MINDY4: variants seen among roughly 807,000 people sequenced by gnomAD.
MINDY4 encodes MINDY lysine 48 deubiquitinase 4.
MINDY4 carries 68 observed loss-of-function variants against 87.0 expected under a neutral mutation model. The ratio of observed to expected loss-of-function variants is 0.78; its 90% CI spans 0.64 to 0.96. The LOEUF (loss-of-function observed/expected upper bound fraction) is 0.96. Among genes scored for constraint, MINDY4 ranks in the 40% least tolerant of loss-of-function variants. The pLI, the probability that MINDY4 is intolerant of heterozygous loss-of-function variation, is 0.00. For synonymous variants in MINDY4, 379 were observed against 363.2 expected, an observed-to-expected ratio of 1.04 and a Z score of -0.50; for missense variants, 919 against 928.2, an observed-to-expected ratio of 0.99 and a Z score of 0.13.
Position 30,839,196 on chromosome 7 carries a change from A to G in MINDY4, c.1240-4A>G. On this transcript the variant is annotated splice_polypyrimidine_tract_variant and splice_region_variant and intron_variant, in intron 7 of 17. Transcript: ENST00000265299. The stretch of plus-strand genomic sequence containing the variant: ...ACCAGTAAAACTCTCTCTTCTTTTT[A>G]TAGGAAATAAAGACCCTTCTGTTTG... 1.3e-6 allele frequency: 2 copies of G among 1,582,394 alleles called. No individual in the cohort carries two copies. Among genetic ancestry groups the G allele is most frequent in the African/African-American group, 1.4e-5 (1 of 73,572 alleles).
At chr7:30,791,828 G>A (rs1428742243) in intron 5 of MINDY4, among the ~76,000 whole-genome samples, 1 of 152,124 alleles carries the variant, frequency 6.6e-6, no homozygotes, top group East Asian at 1.9e-4. Context: ...GGGCCACATT[G>A]GAAGAACAAT....
chr7:30,827,766 C>T (rs758448446), intron 5 of MINDY4, among the ~76,000 whole-genome samples: 1 of 152,166 alleles, frequency 6.6e-6, no homozygotes, highest in Non-Finnish European at 1.5e-5. Context: ...CTTCCATTCA[C>T]GCCCCTTCAT....
chr7:30,822,268 C>T (rs923382956), intron 5 of MINDY4, among the ~76,000 whole-genome samples: 1 of 151,794 alleles, frequency 6.6e-6, no homozygotes, highest in Admixed American at 6.6e-5. Context: ...ACCTCCGTTT[C>T]CCAGATTCAA....
intron 10 of MINDY4, among the ~76,000 whole-genome samples, chr7:30,851,341 T>C (rs140028122): frequency 1.7e-4 from 26 of 152,366 alleles, no homozygotes; most frequent in African/African-American, 5.8e-4. Context: ...TCGCTCTGTT[T>C]ACTCATCTGG....
intron 5 of MINDY4, among the ~76,000 whole-genome samples, chr7:30,793,670 C>T (rs926262262): frequency 6.6e-6 from 1 of 152,152 alleles, no homozygotes; most frequent in Admixed American, 6.5e-5. Context: ...AGCCTCCCAT[C>T]GTGGGCCCAG....
intron 5 of MINDY4, among the ~76,000 whole-genome samples, chr7:30,809,393 A>C (rs1340947293): frequency 6.6e-6 from 1 of 151,794 alleles, no homozygotes; most frequent in Non-Finnish European, 1.5e-5. Context: ...AAAAAAAAAA[A>C]AAAGGATGAT....
At chr7:30,846,555 G>A (rs1789224589) in intron 9 of MINDY4, among the ~76,000 whole-genome samples, 2 of 152,316 alleles carry the variant, frequency 1.3e-5, no homozygotes, top group South Asian at 4.2e-4. Flanking sequence ...TGTCACCTGG[G>A]TTCTGCCAGT....
intron 15 of MINDY4, among the ~76,000 whole-genome samples, chr7:30,879,106 CTA>C (rs1790378528): frequency 6.6e-6 from 1 of 152,232 alleles, no homozygotes; most frequent in South Asian, 2.1e-4. Context: ...GTGAGCTGAA[CTA>C]TGTCTCCCCA....
intron 13 of MINDY4, among the ~76,000 whole-genome samples, chr7:30,863,361 G>T (rs993580395): frequency 6.6e-6 from 1 of 152,234 alleles, no homozygotes; most frequent in African/African-American, 2.4e-5. Context: ...TGGTGTGATA[G>T]TGTGTGTGCG....
chr7:30,851,072 C>G (rs1459730220), intron 10 of MINDY4, among the ~76,000 whole-genome samples: 1 of 152,230 alleles, frequency 6.6e-6, no homozygotes, highest in African/African-American at 2.4e-5. Flanking sequence ...CGCATCGTCT[C>G]TTCACCGCTG....
intron 17 of MINDY4, among the ~76,000 whole-genome samples, chr7:30,883,661 G>A (rs1790541536): frequency 6.6e-6 from 1 of 152,204 alleles, no homozygotes; most frequent in Admixed American, 6.5e-5. Flanking sequence ...TGGTGGTGCG[G>A]TAGCTGTCAG....
chr7:30,855,690 A>G (rs1043098786), intron 12 of MINDY4, among the ~76,000 whole-genome samples: 3 of 152,206 alleles, frequency 2.0e-5, no homozygotes, highest in African/African-American at 7.2e-5. Flanking sequence ...CAGGGCTTTG[A>G]TGAAGCCTAA....
rs77336953 is a variant in MINDY4, at chr7:30,865,788, T to C, written c.1746-6455T>C. 7.3e-3 allele frequency among the ~76,000 whole-genome samples: 1,116 copies of C among 152,284 alleles called. 14 individuals carry two copies. Among genetic ancestry groups the C allele is most frequent in the African/African-American group, 0.025 (1,058 of 41,550 alleles). Reference sequence around the variant, plus strand: ...GGAACTTTGAGAAGTGAGGGGTCAGTTAATGGCACAGTTGGCAGCATCACC... The same window carrying C: ...GGAACTTTGAGAAGTGAGGGGTCAGCTAATGGCACAGTTGGCAGCATCACC... On this transcript the variant is annotated intron_variant, in intron 13 of 17. Transcript: ENST00000265299.
chr7:30,791,574 G>A lies in MINDY4; in HGVS notation c.1073G>A (p.Arg358Lys), dbSNP rs571250988. 6.2e-7 allele frequency: 1 copy of A among 1,607,900 alleles called. No homozygotes were observed. The highest frequency in any genetic ancestry group is 1.1e-5 in the South Asian group (1 of 89,706). ...CAGGGCAGCCAGCCCGCACCTGTCA[G>A]GTGAGTGTGCTATGCAAAGGTGACG... ...KRQGSQPAPVRKNQLLPSDKV... is the reference protein window; with the variant it reads ...KRQGSQPAPVKKNQLLPSDKV... The change falls in exon 5 of 18, where the codon AGG becomes AAG. Residue 358 changes from arginine to lysine, a missense_variant and splice_region_variant. Transcript: ENST00000265299.
At position 30,882,177 on chromosome 7, in the gene MINDY4, C is replaced by T. The variant is rs182151301; in HGVS notation, c.1972-4C>T. The T allele has an allele frequency of 1.9e-6, 3 of 1,602,298 alleles. No homozygotes were observed. The Admixed American group carries it at 5.1e-5, about 27-fold the overall frequency. On this transcript the variant is annotated splice_polypyrimidine_tract_variant and splice_region_variant and intron_variant, in intron 15 of 17. Coordinates refer to ENST00000265299, the MANE Select transcript of MINDY4 (RefSeq NM_032222.3). The stretch of plus-strand genomic sequence containing the variant: ...ATTTCACATCAGGCCTCTCCCTCAT[C>T]CAGGTTGGCTGCTTCCTGAAGACCC...
At position 30,850,438 on chromosome 7, in the gene MINDY4, C is replaced by G; in HGVS notation, c.1446-16C>G. ...TGTCCACATGGGCATAAATGCCTTC[C>G]TTTTCTTGTCCGCAGGGGACTGCAG... On this transcript the variant is annotated splice_polypyrimidine_tract_variant and intron_variant, in intron 9 of 17. Transcript: ENST00000265299. The G allele has an allele frequency of 6.2e-7, 1 of 1,605,298 alleles. No individual in the cohort carries two copies. Among genetic ancestry groups the G allele is most frequent in the Non-Finnish European group, 8.5e-7 (1 of 1,175,740 alleles).
At chr7:30,800,846 G>A (rs540685193) in intron 5 of MINDY4, among the ~76,000 whole-genome samples, 1 of 152,338 alleles carries the variant, frequency 6.6e-6, no homozygotes, top group Non-Finnish European at 1.5e-5. Flanking sequence ...CTGACACTGG[G>A]GATGCCTGGC....
At chr7:30,883,107 C>T (rs1790522155) in intron 17 of MINDY4, 114 bp downstream of exon 17, 1 of 965,876 alleles carries the variant, frequency 1.0e-6, no homozygotes, top group Non-Finnish European at 1.6e-6. Context: ...CACCCTGATT[C>T]AAAGAGGTGT....
intron 5 of MINDY4, chr7:30,803,480 A>C (rs1787719363): frequency 6.6e-6 from 1 of 152,216 alleles, no homozygotes; most frequent in South Asian, 2.1e-4. Flanking sequence ...TCAGGGTCAG[A>C]TGGATGGTGC....
Sources: gnomAD v4.1 joint callset for allele counts (sites outside exome capture counted in the v4.1 genomes callset) on GRCh38, gnomAD v4.1.1 for gene constraint, MANE v1.5 for transcripts, NCBI Gene and HGNC (gene_info 2026-07-23, HGNC 2026-07-21) for gene names.